Variants in GPC5 observed in about 807,000 individuals in gnomAD.
GPC5 encodes the protein glypican-5.
Under a neutral mutation model 53.9 loss-of-function variants are expected in GPC5, and 47 were observed. The ratio of observed to expected loss-of-function variants is 0.87; its 90% confidence interval spans 0.69 to 1.11. GPC5 has a LOEUF of 1.11. GPC5 is among the 50% of genes most tolerant of loss of function. The pLI is 0.00. For missense variants in GPC5, 748 were observed against 713.1 expected (o/e 1.05, Z -0.56); for synonymous variants, 286 against 263.3 (o/e 1.09, Z -0.84).
chr13:92,667,489 T>TAA (rs1254153393), intron 7 of GPC5, among the ~76,000 whole-genome samples: 1 of 151,828 alleles, frequency 6.6e-6, no homozygotes, highest in Non-Finnish European at 1.5e-5. Flanking sequence ...CTGTAAGGAG[T>TAA]AAAAGATTGA....
intron 2 of GPC5, among the ~76,000 whole-genome samples, chr13:91,689,955 T>C (rs1214990486): frequency 6.6e-6 from 1 of 152,234 alleles, no homozygotes; most frequent in Non-Finnish European, 1.5e-5. Flanking sequence ...TATTATGTAC[T>C]GTACATACTT....
rs575034412 is a variant in GPC5 at position 91,789,733 on chromosome 13, G to T, written c.1280+33313G>T. ...TCTGTTGCTATAACAGAATACTTGA[G>T]ACTGGGTAATTTATAAACAAAAGAG... On this transcript the variant is annotated intron_variant, in intron 5 of 7. Transcript: ENST00000377067. Among the ~76,000 whole-genome samples, 6 of 152,258 alleles carry T rather than the reference G, an allele frequency of 3.9e-5. No homozygotes were observed. The South Asian group carries it at 1.2e-3, about 32-fold the overall frequency.
At chr13:92,370,809 T>G (rs2043644145) in intron 7 of GPC5, among the ~76,000 whole-genome samples, 3 of 152,176 alleles carry the variant, frequency 2.0e-5, no homozygotes, top group Admixed American at 2.0e-4. Flanking sequence ...TATTGTTTTC[T>G]TAAACATGAA....
intron 6 of GPC5, among the ~76,000 whole-genome samples, chr13:92,091,164 T>A (rs1278916680): frequency 6.6e-6 from 1 of 152,182 alleles, no homozygotes; most frequent in African/African-American, 2.4e-5. Flanking sequence ...AATATAAAAA[T>A]TTTAACAAGA....
intron 6 of GPC5, among the ~76,000 whole-genome samples, chr13:91,930,430 AG>A (rs1162709529): frequency 2.6e-5 from 4 of 152,150 alleles, no homozygotes; most frequent in African/African-American, 9.6e-5. Flanking sequence ...GAACAACTCT[AG>A]ATATATCTAT....
chr13:92,603,692 G>A (rs879162784), intron 7 of GPC5, among the ~76,000 whole-genome samples: 1 of 152,182 alleles, frequency 6.6e-6, no homozygotes, highest in Admixed American at 6.5e-5. Flanking sequence ...TGGAAAAGAA[G>A]AGTATATGTC....
rs111563182 is a variant in GPC5, at chr13:92,308,758, A to G, written c.1561+163769A>G. Reference sequence around the variant, plus strand: ...AAGAGAGACTCGATAGGAGCTTCTGATATTGACTTTGGGTAGGGTTCTTAA... The same window carrying G: ...AAGAGAGACTCGATAGGAGCTTCTGGTATTGACTTTGGGTAGGGTTCTTAA... On this transcript the variant is annotated intron_variant, in intron 7 of 7. Coordinates refer to ENST00000377067, the MANE Select transcript of GPC5 (RefSeq NM_004466.6). Among the ~76,000 whole-genome samples, 344 of 152,182 alleles carry G rather than the reference A, an allele frequency of 2.3e-3. 3 individuals are homozygous for G. Among genetic ancestry groups the G allele is most frequent in the African/African-American group, 7.2e-3 (300 of 41,540 alleles).
chr13:92,449,976 T>C (rs1214698437), intron 7 of GPC5, among the ~76,000 whole-genome samples: 1 of 152,162 alleles, frequency 6.6e-6, no homozygotes, highest in Non-Finnish European at 1.5e-5. Flanking sequence ...ATTTTTGTTA[T>C]TATACATTAA....
At chr13:92,261,955 T>A (rs2042770382) in intron 7 of GPC5, among the ~76,000 whole-genome samples, 1 of 152,152 alleles carries the variant, frequency 6.6e-6, no homozygotes, top group African/African-American at 2.4e-5. Context: ...GTAAATGGTG[T>A]GAGATAGGTA....
intron 6 of GPC5, among the ~76,000 whole-genome samples, chr13:91,935,003 G>A (rs746189827): frequency 6.6e-6 from 1 of 151,984 alleles, no homozygotes; most frequent in East Asian, 1.9e-4. Context: ...GGGTATGTGA[G>A]CTAGATTTGC....
chr13:92,763,753 C>A (rs1875285505), intron 7 of GPC5, among the ~76,000 whole-genome samples: 1 of 151,978 alleles, frequency 6.6e-6, no homozygotes, highest in African/African-American at 2.4e-5. Flanking sequence ...AGTAGGGGCC[C>A]AAAAAATGGG....
intron 2 of GPC5, among the ~76,000 whole-genome samples, chr13:91,665,896 C>T (rs1457481430): frequency 1.3e-5 from 2 of 152,142 alleles, no homozygotes; most frequent in Non-Finnish European, 2.9e-5. Flanking sequence ...TGGATGTATG[C>T]CATTAGACAA....
intron 7 of GPC5, among the ~76,000 whole-genome samples, chr13:92,566,583 T>C (rs929137503): frequency 2.0e-5 from 3 of 152,100 alleles, no homozygotes; most frequent in Admixed American, 6.6e-5. Flanking sequence ...AGCAAATAAA[T>C]GCAGTTGTCC....
At chr13:92,362,859 T>G (rs1383201310) in intron 7 of GPC5, among the ~76,000 whole-genome samples, 1 of 151,822 alleles carries the variant, frequency 6.6e-6, no homozygotes, top group Non-Finnish European at 1.5e-5. Flanking sequence ...ATGCAGGTTA[T>G]TTAACATATG....
At chr13:92,002,383 A>G (rs1437722315) in intron 6 of GPC5, among the ~76,000 whole-genome samples, 3 of 152,242 alleles carry the variant, frequency 2.0e-5, no homozygotes, top group Non-Finnish European at 4.4e-5. Context: ...AAGGAATTAA[A>G]ATATTATCTT....
intron 2 of GPC5, among the ~76,000 whole-genome samples, chr13:91,643,699 C>A (rs2034489062): frequency 6.6e-6 from 1 of 152,100 alleles, no homozygotes; most frequent in Admixed American, 6.5e-5. Flanking sequence ...AGCTTGCTGG[C>A]AATGGCATTC....
chr13:92,604,726 TTTTA>T (rs1884193270), intron 7 of GPC5, among the ~76,000 whole-genome samples: 1 of 152,236 alleles, frequency 6.6e-6, no homozygotes, highest in African/African-American at 2.4e-5. Flanking sequence ...TTCAAAGGAA[TTTTA>T]TTTCAGTATT....
At chr13:92,276,956 T>G (rs1279938996) in intron 7 of GPC5, among the ~76,000 whole-genome samples, 1 of 152,032 alleles carries the variant, frequency 6.6e-6, no homozygotes, top group Admixed American at 6.6e-5. Context: ...TTTAGTACAC[T>G]GGAAATATGA....
intron 7 of GPC5, among the ~76,000 whole-genome samples, chr13:92,322,722 G>A (rs1230709842): frequency 1.3e-5 from 2 of 152,156 alleles, no homozygotes; most frequent in Non-Finnish European, 2.9e-5. Context: ...GCCTTTCATT[G>A]TTGAAGAAAT....
Sources: gnomAD v4.1 joint callset for allele counts (sites outside exome capture counted in the v4.1 genomes callset) on GRCh38, gnomAD v4.1.1 for gene constraint, MANE v1.5 for transcripts, NCBI Gene and HGNC (gene_info 2026-07-23, HGNC 2026-07-21) for gene names.